PZP: variants seen among roughly 807,000 people sequenced by gnomAD.
The protein encoded by PZP is PZP alpha-2-macroglobulin like.
PZP carries 150 observed loss-of-function variants against 179.8 expected under a neutral mutation model. The observed-to-expected ratio is 0.83, with a 90% confidence interval of 0.73 to 0.96. PZP has a LOEUF of 0.96. PZP is among the 40% of genes least tolerant of loss of function. The pLI, the probability that PZP is intolerant of heterozygous loss-of-function variation, is 0.00. For synonymous variants in PZP, 624 were observed against 652.3 expected (o/e 0.96, Z 0.66); for missense variants, 1,689 against 1,764.0 (o/e 0.96, Z 0.76).
At chr12:9,204,967 C>T (rs1397326070) in intron 1 of PZP, among the ~76,000 whole-genome samples, 1 of 151,872 alleles carries the variant, frequency 6.6e-6, no homozygotes, top group African/African-American at 2.4e-5. Flanking sequence ...CCAGGTGGCA[C>T]ATGGCTGTAG....
downstream of PZP, among the ~76,000 whole-genome samples, chr12:9,147,416 T>C (rs766948036): frequency 6.6e-6 from 1 of 152,322 alleles, no homozygotes; most frequent in African/African-American, 2.4e-5. Context: ...CTAATTGTAT[T>C]ATGCTATGCT....
chr12:9,154,400 G>A (rs1050539815), intron 29 of PZP, among the ~76,000 whole-genome samples: 2 of 152,198 alleles, frequency 1.3e-5, no homozygotes, highest in African/African-American at 2.4e-5. Flanking sequence ...CTCGTTGTAC[G>A]TCTCCATGTT....
Position 9,170,780 on chromosome 12 carries a change from G to T in PZP, c.1840-1189C>A, listed in dbSNP as rs889888478. Among the ~76,000 whole-genome samples, 1 of 152,160 alleles carries T rather than the reference G, an allele frequency of 6.6e-6. No homozygotes were observed. Among genetic ancestry groups the T allele is most frequent in the East Asian group, 1.9e-4 (1 of 5,198 alleles). On this transcript the variant is annotated intron_variant, in intron 15 of 35. Transcript: ENST00000261336. This position sits in a 1 kb window ranked among gnomAD's most constrained non-coding sequence, Gnocchi z 4.6. Reference sequence around the variant, plus strand: ...GGACCCTGATCCATTCCTCCTCATCGAGTGGGACCTTTCTGTGGGGGCTTC... The same window carrying T: ...GGACCCTGATCCATTCCTCCTCATCTAGTGGGACCTTTCTGTGGGGGCTTC...
chr12:9,161,064 T>G lies in PZP; in HGVS notation c.2841A>C (p.Lys947Asn). The G allele has an allele frequency of 4.4e-6, 7 of 1,603,192 alleles. No homozygotes were observed. Among genetic ancestry groups the G allele is most frequent in the East Asian group, 2.2e-5 (1 of 44,832 alleles). ...CTGAGAAAGAAGCTCTGGCAGATTC[T>G]TTGACCACATTTGATGGGAGCTTCA... The part of the protein sequence containing the change: ...LSLKLPSNVV[K>N]ESARASFSVL... The change falls in exon 23 of 36, where the codon AAA becomes AAC. Residue 947 changes from lysine to asparagine, a missense_variant. Around this residue, in one of 3 missense-constraint regions of PZP, gnomAD observed 746 missense variants for 749.2 expected, o/e 1.00. Transcript: ENST00000261336.
intron 26 of PZP, 47 bp downstream of exon 26, chr12:9,158,373 T>C (rs2120620985): frequency 1.9e-6 from 3 of 1,600,912 alleles, no homozygotes; most frequent in Non-Finnish European, 2.6e-6. Context: ...CCCTGGGGGA[T>C]GTTATGTTGA....
chr12:9,196,997 A>C lies in PZP; in HGVS notation c.867+15T>G. On this transcript the variant is annotated intron_variant, in intron 8 of 35. Coordinates refer to ENST00000261336, the MANE Select transcript of PZP (RefSeq NM_002864.3). ...TAAACAGTGATAGCACTGAGGGAGA[A>C]TACCGCCTACTAACCTGTTGACTGA... is the stretch of plus-strand genomic sequence containing the variant. 1 of 1,536,494 alleles carries C rather than the reference A, an allele frequency of 6.5e-7. No homozygotes were observed. Among genetic ancestry groups the C allele is most frequent in the Non-Finnish European group, 9.0e-7 (1 of 1,109,912 alleles).
At chr12:9,144,974 GAT>G (rs1565616803), downstream of PZP, among the ~76,000 whole-genome samples, 1 of 152,190 alleles carries the variant, frequency 6.6e-6, no homozygotes, top group Non-Finnish European at 1.5e-5. Flanking sequence ...CCAAGATGAT[GAT>G]ACTCCTGCCC....
rs1179069093 is a variant in PZP at position 9,158,528 on chromosome 12, G to T, written c.3186C>A (p.Ile1062=). The T allele has an allele frequency of 6.2e-7, 1 of 1,614,180 alleles. No homozygotes were observed. The highest frequency in any genetic ancestry group is 8.5e-7 in the Non-Finnish European group (1 of 1,180,028). ...GGGTAATGTGTGCTTCATCAATGAAGATGTAGGATCGAGCCTGGGCGAAAG... is the reference window on the plus strand; with the variant it reads ...GGGTAATGTGTGCTTCATCAATGAATATGTAGGATCGAGCCTGGGCGAAAG... ...LKTFAQARSY[I]FIDEAHITQS... is the part of the protein sequence containing the mutation. The change falls in exon 26 of 36, where the codon ATC becomes ATA. Residue 1062 remains isoleucine (I), a synonymous_variant. Transcript: ENST00000261336.
rs767637783 is a variant in PZP at position 9,181,930 on chromosome 12, G to A, written c.1689+45C>T. 3.1e-6 allele frequency: 5 copies of A among 1,593,188 alleles called. No individual in the cohort carries two copies. In the East Asian group the frequency reaches 6.7e-5, roughly 21 times the overall value. On this transcript the variant is annotated intron_variant, in intron 14 of 35. Coordinates refer to ENST00000261336, the MANE Select transcript of PZP (RefSeq NM_002864.3). ...TGGGGTAAAATAGATGGCACCTACAGTATCATTTATTTGTGTTCTTTTAAT... is the reference window on the plus strand; with the variant it reads ...TGGGGTAAAATAGATGGCACCTACAATATCATTTATTTGTGTTCTTTTAAT...
chr12:9,196,811 G>C (rs1808230013), intron 8 of PZP, 126 bp from the exon 9 acceptor site: 1 of 828,002 alleles, frequency 1.2e-6, no homozygotes. Flanking sequence ...TGACCTTCGA[G>C]AACTTAATAC....
downstream of PZP, among the ~76,000 whole-genome samples, chr12:9,144,877 T>C (rs1161447024): frequency 1.3e-5 from 2 of 152,176 alleles, no homozygotes; most frequent in Non-Finnish European, 2.9e-5. Flanking sequence ...TCATTTGTGG[T>C]TTATGGTCAT....
In PZP at chr12:9,170,871, G is replaced by A. The variant is rs758554834; in HGVS notation, c.1840-1280C>T. Reference sequence around the variant, plus strand: ...CTCCCTGGGACCGAGCTCCTGGGGGGCAGGGGTGTCTGCCATCTCTGCAGT... The same window carrying A: ...CTCCCTGGGACCGAGCTCCTGGGGGACAGGGGTGTCTGCCATCTCTGCAGT... On this transcript the variant is annotated intron_variant, in intron 15 of 35. Coordinates refer to ENST00000261336, the MANE Select transcript of PZP (RefSeq NM_002864.3). The surrounding 1 kb of genome is among the most constrained non-coding windows in gnomAD (Gnocchi z 4.6). 1.3e-5 allele frequency among the ~76,000 whole-genome samples: 2 copies of A among 152,282 alleles called. No individual in the cohort carries two copies. The highest frequency in any genetic ancestry group is 6.5e-5 in the Admixed American group (1 of 15,306).
Position 9,161,084 on chromosome 12 carries a change from GCTTCAAGGACAA to G in PZP, c.2809_2820del (p.Ser938_Leu941del), listed in dbSNP as rs1941171059. 6.2e-7 allele frequency: 1 copy of G among 1,602,026 alleles called. No individual in the cohort carries two copies. Among genetic ancestry groups the G allele is most frequent in the African/African-American group, 1.3e-5 (1 of 74,546 alleles). On this transcript the variant is annotated inframe_deletion, in exon 23 of 36. Transcript: ENST00000261336. ...GATTCTTTGACCACATTTGATGGGA[GCTTCAAGGACAA>G]CTGCTCAGACACATTAGCACCTTTA...
chr12:9,194,120 G>A lies in PZP; in HGVS notation c.1211C>T (p.Ser404Leu). 6.2e-7 allele frequency: 1 copy of A among 1,613,962 alleles called. No homozygotes were observed. The highest frequency in any genetic ancestry group is 1.3e-5 in the African/African-American group (1 of 75,034). ...AACCGAGATACTGGTAGTATTGATT[G>A]AAAACTGTGCAAGACCCTGCTCATT... Reference protein sequence around the residue: ...TTNEQGLAQFSINTTSISVNK... With the variant: ...TTNEQGLAQFLINTTSISVNK... The change falls in exon 11 of 36, where the codon TCA becomes TTA. Residue 404 changes from serine (S) to leucine (L), a missense_variant. Coordinates refer to ENST00000261336, the MANE Select transcript of PZP (RefSeq NM_002864.3).
rs199809522 is a variant in PZP, at chr12:9,192,525, C to A, written c.1469G>T (p.Ser490Ile). The stretch of plus-strand genomic sequence containing the variant: ...CCTCATTCTTACCAGGTAATGGAAA[C>A]TGAGCTCCGATAACTCTCCCATGGC... ...RQAMGELSEL[S>I]FHYLIMAKGV... Residue 490 changes from serine (S) to isoleucine (I), a missense_variant, in exon 12 of 36, where the codon AGT becomes ATT. Coordinates refer to ENST00000261336, the MANE Select transcript of PZP (RefSeq NM_002864.3). 3.1e-6 allele frequency: 5 copies of A among 1,613,004 alleles called. 1 individual carries two copies. Among genetic ancestry groups the A allele is most frequent in the Non-Finnish European group, 2.5e-6 (3 of 1,179,040 alleles).
At chr12:9,186,448 G>A (rs1307851184) in intron 13 of PZP, among the ~76,000 whole-genome samples, 3 of 152,096 alleles carry the variant, frequency 2.0e-5, no homozygotes, top group Non-Finnish European at 4.4e-5. Flanking sequence ...CAATTAAGAG[G>A]CACAGAGTGG....
chr12:9,154,222 T>C (rs755182940), intron 29 of PZP, among the ~76,000 whole-genome samples: 32 of 152,348 alleles, frequency 2.1e-4, no homozygotes, highest in South Asian at 1.9e-3. Context: ...GACGTGCTAC[T>C]GGCATCTAAT....
chr12:9,207,951 G>A lies in PZP; in HGVS notation c.83+308C>T, dbSNP rs768141548. Reference sequence around the variant, plus strand: ...TAAGTTGCACTTCACTATATATTTCGAATATCTCTATATTCAGTGCCTTCC... The same window carrying A: ...TAAGTTGCACTTCACTATATATTTCAAATATCTCTATATTCAGTGCCTTCC... On this transcript the variant is annotated intron_variant, in intron 1 of 35. Coordinates refer to ENST00000261336, the MANE Select transcript of PZP (RefSeq NM_002864.3). Among the ~76,000 whole-genome samples, 137 of 151,978 alleles carry A rather than the reference G, an allele frequency of 9.0e-4. 1 individual carries two copies. The highest frequency in any genetic ancestry group is 2.5e-4 in the Non-Finnish European group (17 of 67,986).
chr12:9,166,345 T>C lies in PZP; in HGVS notation c.2108-143A>G, dbSNP rs1941585045. 56 of 741,862 alleles carry C rather than the reference T, an allele frequency of 7.5e-5. No homozygotes were observed. The South Asian group carries it at 9.7e-4, about 13-fold the overall frequency. The allele number at this position is 741,862 out of a possible 1,614,324, so 46.0% of individuals were successfully genotyped here. ...TGTAGAAGTTGTAGAACTTGGGAAA[T>C]ACTTTGTGATCCCTCATTCCCTGAA... On this transcript the variant is annotated intron_variant, in intron 17 of 35. Coordinates refer to ENST00000261336, the MANE Select transcript of PZP (RefSeq NM_002864.3).
Sources: allele counts gnomAD v4.1 joint callset (sites outside exome capture counted in the v4.1 genomes callset), GRCh38; gene constraint gnomAD v4.1.1; regional missense constraint gnomAD v4.1.1; non-coding constraint Gnocchi (gnomAD v3.1); transcripts MANE v1.5; gene names NCBI Gene and HGNC (gene_info 2026-07-23, HGNC 2026-07-21).